Variants in UNC5D observed in about 807,000 individuals in gnomAD.
The protein encoded by UNC5D is unc-5 netrin receptor D.
Under a neutral mutation model 105.4 loss-of-function variants are expected in UNC5D, and 39 were observed. The ratio of observed to expected loss-of-function variants is 0.37; its 90% CI spans 0.29 to 0.48. The LOEUF (loss-of-function observed/expected upper bound fraction) is 0.48, where lower values mean the gene tolerates loss of function less well. Ranked by LOEUF, UNC5D falls within the 20% of genes least tolerant of loss-of-function variation. The pLI, the probability that UNC5D is intolerant of heterozygous loss-of-function variation, is 0.98. For missense variants in UNC5D, 991 were observed against 1,202.4 expected, an observed-to-expected ratio of 0.82 and a Z score of 2.60; for synonymous variants, 452 against 450.4, an observed-to-expected ratio of 1.00 and a Z score of -0.04.
At position 35,387,913 on chromosome 8, in the gene UNC5D, T is replaced by A. The variant is rs560544774; in HGVS notation, c.103+152026T>A. On this transcript the variant is annotated intron_variant, in intron 1 of 16. Coordinates refer to ENST00000404895, the MANE Select transcript of UNC5D (RefSeq NM_080872.4). The stretch of plus-strand genomic sequence containing the variant: ...TGTGTAAATGAATACTATCTGCTTC[T>A]TTTCTGAAAGGGAAAATTGATCGGC... Among the ~76,000 whole-genome samples the A allele has an allele frequency of 2.0e-5, 3 of 152,318 alleles. No individual in the cohort carries two copies. The East Asian group carries it at 5.8e-4, about 29-fold the overall frequency.
At chr8:35,621,782 G>T (rs1821371924) in intron 4 of UNC5D, among the ~76,000 whole-genome samples, 1 of 152,148 alleles carries the variant, frequency 6.6e-6, no homozygotes, top group Admixed American at 6.5e-5. Context: ...ATCCTAGAAG[G>T]TGCAGCATAT....
chr8:35,742,265 AAGAG>A (rs1554599471), intron 11 of UNC5D, among the ~76,000 whole-genome samples: 7 of 152,192 alleles, frequency 4.6e-5, no homozygotes, highest in Admixed American at 3.9e-4. Context: ...AAAAAAAAAA[AAGAG>A]AGAGAGACAA....
chr8:35,394,022 G>A lies in UNC5D; in HGVS notation c.104-155270G>A, dbSNP rs574217835. Reference sequence around the variant, plus strand: ...TTTCTCCTTTTTCTCTCTCTCACTCGTTTTGGTTTATCTTTTTCCTTTTTT... The same window carrying A: ...TTTCTCCTTTTTCTCTCTCTCACTCATTTTGGTTTATCTTTTTCCTTTTTT... On this transcript the variant is annotated intron_variant, in intron 1 of 16. Transcript: ENST00000404895. 3.7e-4 allele frequency among the ~76,000 whole-genome samples: 55 copies of A among 147,006 alleles called. No individual in the cohort carries two copies. In the South Asian group the frequency reaches 9.9e-3, roughly 27 times the overall value.
intron 4 of UNC5D, among the ~76,000 whole-genome samples, chr8:35,625,356 T>C (rs1219719930): frequency 6.6e-6 from 1 of 152,248 alleles, no homozygotes; most frequent in Non-Finnish European, 1.5e-5. Flanking sequence ...TCTGATGGTT[T>C]ATTTACTACT....
intron 1 of UNC5D, among the ~76,000 whole-genome samples, chr8:35,384,161 G>A (rs1803226501): frequency 6.7e-6 from 1 of 150,268 alleles, no homozygotes; most frequent in African/African-American, 2.5e-5. Context: ...CGGAGTTGCA[G>A]TAAGCCGAGA....
At chr8:35,608,074 A>T (rs968482279) in intron 4 of UNC5D, among the ~76,000 whole-genome samples, 1 of 152,172 alleles carries the variant, frequency 6.6e-6, no homozygotes, top group Non-Finnish European at 1.5e-5. Flanking sequence ...CAAAGACCCA[A>T]TTACCAAATA....
chr8:35,561,932 C>G (rs760298395), intron 2 of UNC5D, among the ~76,000 whole-genome samples: 48 of 152,130 alleles, frequency 3.2e-4, no homozygotes, highest in Non-Finnish European at 3.8e-4. Flanking sequence ...AATAGATTAT[C>G]GTTAACTAGT....
intron 1 of UNC5D, among the ~76,000 whole-genome samples, chr8:35,413,292 T>TGTGTGTGTGTGTGTGTGTTG (rs56157732): frequency 3.5e-4 from 45 of 128,044 alleles, no homozygotes; most frequent in African/African-American, 1.3e-3. Flanking sequence ...TGTGTGTGTG[T>TGTGTGTGTGTGTGTGTGTTG]TGTGTGTGTG....
chr8:35,580,518 C>G (rs935509518), intron 3 of UNC5D, among the ~76,000 whole-genome samples: 1 of 151,346 alleles, frequency 6.6e-6, no homozygotes, highest in African/African-American at 2.4e-5. Flanking sequence ...GGGGTGAACA[C>G]AGGAGAAGAA....
intron 1 of UNC5D, among the ~76,000 whole-genome samples, chr8:35,451,956 T>A (rs1326378993): frequency 6.6e-6 from 1 of 152,202 alleles, no homozygotes; most frequent in African/African-American, 2.4e-5. Context: ...CTGAAGTCCC[T>A]TTCTTCATTC....
At chr8:35,434,546 C>T (rs896491064) in intron 1 of UNC5D, among the ~76,000 whole-genome samples, 2 of 151,964 alleles carry the variant, frequency 1.3e-5, no homozygotes, top group African/African-American at 4.8e-5. Context: ...AAATTATTCC[C>T]CAGAATAAAT....
intron 1 of UNC5D, among the ~76,000 whole-genome samples, chr8:35,325,660 C>T (rs1810091834): frequency 6.6e-6 from 1 of 152,148 alleles, no homozygotes. Context: ...AAAATATCAA[C>T]TAGAACATGC....
intron 11 of UNC5D, among the ~76,000 whole-genome samples, chr8:35,747,958 A>G (rs1271197116): frequency 1.3e-5 from 2 of 152,230 alleles, no homozygotes; most frequent in East Asian, 1.9e-4. Flanking sequence ...CTACTGTGCT[A>G]TTGCTATATA....
chr8:35,499,018 C>A (rs766053573), intron 1 of UNC5D, among the ~76,000 whole-genome samples: 3 of 152,146 alleles, frequency 2.0e-5, no homozygotes, highest in Non-Finnish European at 4.4e-5. Context: ...GCAACTCTAC[C>A]ATTTGAATCA....
rs1810498378 is a variant in UNC5D at position 35,330,131 on chromosome 8, A to G, written c.103+94244A>G. Among the ~76,000 whole-genome samples, 4 of 152,354 alleles carry G rather than the reference A, an allele frequency of 2.6e-5. No individual in the cohort carries two copies. The South Asian group carries it at 8.3e-4, about 32-fold the overall frequency. The stretch of plus-strand genomic sequence containing the variant: ...CAAAGGCACAGAGATACTGAGTAGT[A>G]AAGCTGGATTCACACTCTTAATTTC... On this transcript the variant is annotated intron_variant, in intron 1 of 16. Coordinates refer to ENST00000404895, the MANE Select transcript of UNC5D (RefSeq NM_080872.4).
intron 14 of UNC5D, among the ~76,000 whole-genome samples, chr8:35,760,125 C>T (rs533104196): frequency 1.5e-4 from 23 of 151,286 alleles, no homozygotes; most frequent in African/African-American, 5.1e-4. Context: ...CTCTCTGCAA[C>T]CTCCGCCTCC....
chr8:35,401,996 C>T (rs561611523), intron 1 of UNC5D, among the ~76,000 whole-genome samples: 1 of 152,250 alleles, frequency 6.6e-6, no homozygotes, highest in South Asian at 2.1e-4. Context: ...AGCTTTTTCT[C>T]GTGTACATAC....
At chr8:35,528,180 A>G (rs574389819) in intron 1 of UNC5D, among the ~76,000 whole-genome samples, 7 of 150,754 alleles carry the variant, frequency 4.6e-5, no homozygotes, top group South Asian at 2.1e-4. Context: ...ATATCTCCCA[A>G]TGCTATCCCT....
intron 16 of UNC5D, among the ~76,000 whole-genome samples, chr8:35,782,764 A>G (rs1802562980): frequency 6.6e-6 from 1 of 152,024 alleles, no homozygotes. Flanking sequence ...CGGCCTCCCA[A>G]AGTGCTGGGA....
Sources: gnomAD v4.1 joint callset for allele counts (sites outside exome capture counted in the v4.1 genomes callset) on GRCh38, gnomAD v4.1.1 for gene constraint, MANE v1.5 for transcripts, NCBI Gene and HGNC (gene_info 2026-07-23, HGNC 2026-07-21) for gene names.